Variants in KDM6A observed in about 807,000 individuals in gnomAD.
The protein encoded by KDM6A is lysine demethylase 6A.
A neutral mutation model predicts 117.6 loss-of-function variants in KDM6A; 11 were observed. The observed-to-expected ratio is 0.09, with a 90% CI of 0.06 to 0.15. The LOEUF is 0.15. Among genes scored for constraint, KDM6A ranks in the 10% least tolerant of loss-of-function variants. KDM6A has a pLI of 1.00. For missense variants in KDM6A, 799 were observed against 1,077.3 expected, an observed-to-expected ratio of 0.74 and a Z score of 3.62; for synonymous variants, 384 against 396.1, an observed-to-expected ratio of 0.97 and a Z score of 0.36.
At chrX:45,025,744 A>G (rs1366774059) in intron 6 of KDM6A, among the ~76,000 whole-genome samples, 3 of 112,357 alleles carry the variant, frequency 2.7e-5, no homozygotes, top group South Asian at 7.2e-4. Flanking sequence ...TAATGTTTAC[A>G]TATTTAAATA....
At chrX:44,911,928 G>C (rs1183612928) in intron 2 of KDM6A, among the ~76,000 whole-genome samples, 3 of 105,920 alleles carry the variant, frequency 2.8e-5, no homozygotes, top group Non-Finnish European at 5.9e-5. Context: ...TTGGCAGGTT[G>C]AGGCAGGAGA....
intron 2 of KDM6A, among the ~76,000 whole-genome samples, chrX:44,904,709 C>CT (rs1194851938): frequency 8.9e-6 from 1 of 111,831 alleles, no homozygotes; most frequent in Non-Finnish European, 1.9e-5. Flanking sequence ...GAGCTTCAGC[C>CT]TCATTGTACT....
At chrX:44,907,320 C>T (rs752584989) in intron 2 of KDM6A, among the ~76,000 whole-genome samples, 4 of 111,139 alleles carry the variant, frequency 3.6e-5, no homozygotes, top group Non-Finnish European at 5.7e-5. Flanking sequence ...TCTTATTGCC[C>T]AGGCTGGAGT....
At chrX:45,007,427 T>C (rs1363472870) in intron 4 of KDM6A, among the ~76,000 whole-genome samples, 1 of 112,325 alleles carries the variant, frequency 8.9e-6, no homozygotes, top group Non-Finnish European at 1.9e-5. Flanking sequence ...AAAGACTGCA[T>C]TGACATGGCT....
intron 27 of KDM6A, 191 bp from the exon 28 acceptor site, chrX:45,107,219 G>A (rs2046563959): frequency 2.3e-6 from 1 of 427,905 alleles, no homozygotes; most frequent in Admixed American, 4.0e-5. Flanking sequence ...TTTTAATATT[G>A]TCTTCATCAG....
chrX:45,107,975 T>G (rs1000180657), intron 28 of KDM6A, among the ~76,000 whole-genome samples: 4 of 111,729 alleles, frequency 3.6e-5, no homozygotes, highest in African/African-American at 1.3e-4. Flanking sequence ...ATGTGGTGCC[T>G]CCTATGAAGG....
At chrX:45,029,189 C>T (rs1320679340) in intron 6 of KDM6A, among the ~76,000 whole-genome samples, 3 of 111,423 alleles carry the variant, frequency 2.7e-5, no homozygotes, top group South Asian at 3.8e-4. Context: ...AATCCCAGCA[C>T]TTTGGGAGGC....
In KDM6A at chrX:45,063,782, G is replaced by A. The variant is rs1423992975; in HGVS notation, c.2044G>A (p.Glu682Lys). 1 of 1,202,511 alleles carries A rather than the reference G, an allele frequency of 8.3e-7. No homozygotes were observed. The highest frequency in any genetic ancestry group is 2.2e-5 in the Admixed American group (1 of 44,932). ...NRTNLTSSAE[E>K]PWKNQLSNST... The stretch of plus-strand genomic sequence containing the variant: ...CACAAACCTGACCAGCAGCGCAGAG[G>A]AGCCGTGGAAAAACCAACTATCTAA... The change falls in exon 17 of 30, where the codon GAG (glutamate) becomes AAG (lysine). Residue 682 changes from glutamate to lysine, a missense_variant. Glu to Lys is a moderately conservative substitution (Grantham distance 56). Around this residue, in one of 8 missense-constraint regions of KDM6A, gnomAD observed 301 missense variants for 318.3 expected, o/e 0.95. Coordinates refer to ENST00000611820, the MANE Select transcript of KDM6A (RefSeq NM_001291415.2).
At chrX:44,904,265 C>A (rs890171589) in intron 2 of KDM6A, among the ~76,000 whole-genome samples, 2 of 111,960 alleles carry the variant, frequency 1.8e-5, no homozygotes, top group Admixed American at 1.9e-4. Flanking sequence ...GAAGGGTGTT[C>A]TGTGCAGTCA....
chrX:45,006,170 C>G (rs959621763), intron 4 of KDM6A, among the ~76,000 whole-genome samples: 2 of 88,786 alleles, frequency 2.3e-5, no homozygotes, highest in Non-Finnish European at 4.5e-5. Flanking sequence ...TGCGCCCCCC[C>G]CCGCCGCCAT....
At position 45,063,755 on chromosome X, in the gene KDM6A, C is replaced by A. The variant is rs139486036; in HGVS notation, c.2017C>A (p.Arg673Ser). 1.7e-6 allele frequency: 2 copies of A among 1,207,147 alleles called. No homozygotes were observed. The highest frequency in any genetic ancestry group is 2.2e-6 in the Non-Finnish European group (2 of 892,876). Reference sequence around the variant, plus strand: ...AAACGCACTCACTCTACCTCATAACCGCACAAACCTGACCAGCAGCGCAGA... The same window carrying A: ...AAACGCACTCACTCTACCTCATAACAGCACAAACCTGACCAGCAGCGCAGA... ...QRNALTLPHN[R>S]TNLTSSAEEP... The change falls in exon 17 of 30, where the codon CGC (arginine) becomes AGC (serine). Residue 673 changes from arginine (R) to serine (S), a missense_variant. By Grantham distance (110) the Arg-to-Ser change is moderately radical (BLOSUM62 -1). Transcript: ENST00000611820.
chrX:44,903,823 T>C (rs779980118), intron 2 of KDM6A, among the ~76,000 whole-genome samples: 5 of 112,200 alleles, frequency 4.5e-5, no homozygotes, highest in Admixed American at 2.9e-4. Flanking sequence ...TTCTTTGATA[T>C]ATTGACCTTA....
intron 25 of KDM6A, among the ~76,000 whole-genome samples, chrX:45,088,505 C>T (rs1411944429): frequency 8.8e-6 from 1 of 113,510 alleles, no homozygotes; most frequent in Non-Finnish European, 1.9e-5. Flanking sequence ...TTTACAGAAA[C>T]AGGCAGTGGG....
At chrX:44,886,061 G>A (rs1258065651) in intron 2 of KDM6A, among the ~76,000 whole-genome samples, 6 of 110,375 alleles carry the variant, frequency 5.4e-5, no homozygotes, top group Admixed American at 2.9e-4. Context: ...TGAAAATACT[G>A]GTAGTTTTTT....
At chrX:45,091,433 A>G (rs763113586) in intron 27 of KDM6A, among the ~76,000 whole-genome samples, 6 of 111,423 alleles carry the variant, frequency 5.4e-5, no homozygotes, top group South Asian at 7.5e-4. Context: ...TTGTAAATCT[A>G]TTTAGAGGTA....
chrX:45,012,847 A>G (rs1234961516), intron 5 of KDM6A, among the ~76,000 whole-genome samples: 1 of 111,720 alleles, frequency 9.0e-6, no homozygotes, highest in African/African-American at 3.3e-5. Context: ...AGTGTATTAT[A>G]ATGATTCAGA....
intron 27 of KDM6A, among the ~76,000 whole-genome samples, chrX:45,103,940 C>T (rs906110117): frequency 1.8e-5 from 2 of 111,783 alleles, no homozygotes; most frequent in Admixed American, 9.5e-5. Context: ...CTAAAGTACA[C>T]GTATGCAAAA....
chrX:44,944,235 C>T (rs1420190847), intron 2 of KDM6A, among the ~76,000 whole-genome samples: 1 of 110,465 alleles, frequency 9.1e-6, no homozygotes, highest in East Asian at 2.8e-4. Context: ...GCCTGTAATT[C>T]CAGCTACTTG....
chrX:45,073,030 A>G (rs1384907036), intron 18 of KDM6A, among the ~76,000 whole-genome samples: 1 of 108,409 alleles, frequency 9.2e-6, no homozygotes, highest in Non-Finnish European at 1.9e-5. Context: ...CCTGCCTTCC[A>G]CCCCACAGCA....
Sources: allele counts gnomAD v4.1 joint callset (sites outside exome capture counted in the v4.1 genomes callset), GRCh38; gene constraint gnomAD v4.1.1; regional missense constraint gnomAD v4.1.1; transcripts MANE v1.5; gene names NCBI Gene and HGNC (gene_info 2026-07-23, HGNC 2026-07-21).